ASPRV1: variants seen among roughly 807,000 people sequenced by gnomAD.
The protein encoded by ASPRV1 is retroviral-like aspartic protease 1.
ASPRV1 carries 7 observed loss-of-function variants against 11.0 expected under a neutral mutation model. The ratio of observed to expected loss-of-function variants is 0.64; its 90% CI spans 0.36 to 1.20. The LOEUF (loss-of-function observed/expected upper bound fraction) is 1.20, where lower values mean the gene tolerates loss of function less well. ASPRV1 is among the 50% of genes most tolerant of loss of function. The pLI, the probability that ASPRV1 is intolerant of heterozygous loss-of-function variation, is 0.02. For missense variants in ASPRV1, 299 were observed against 320.0 expected, an observed-to-expected ratio of 0.93 and a Z score of 0.50; for synonymous variants, 136 against 138.4, an observed-to-expected ratio of 0.98 and a Z score of 0.12.
chr2:69,984,437 T>G, the ASPRV1 span, among the ~76,000 whole-genome samples: 2 of 152,190 alleles, frequency 1.3e-5, no homozygotes, highest in Non-Finnish European at 1.5e-5. Flanking sequence ...ATCCCCATTA[T>G]TTACAGCATG....
the ASPRV1 span, among the ~76,000 whole-genome samples, chr2:70,004,528 C>CAAAAAAAAAAAAAAAAAAAAAAAAA: frequency 1.8e-5 from 1 of 54,638 alleles, no homozygotes; most frequent in Non-Finnish European, 4.0e-5. Flanking sequence ...AACTCCATCT[C>CAAAAAAAAAAAAAAAAAAAAAAAAA]AAAAAAAAAA....
the ASPRV1 span, among the ~76,000 whole-genome samples, chr2:69,969,626 T>C: frequency 1.3e-5 from 2 of 152,128 alleles, no homozygotes; most frequent in African/African-American, 2.4e-5. Context: ...GACACCCCTC[T>C]CTGCACCGCT....
At chr2:70,067,017 C>T in the ASPRV1 span, among the ~76,000 whole-genome samples, 2 of 152,090 alleles carry the variant, frequency 1.3e-5, no homozygotes, top group African/African-American at 2.4e-5. Flanking sequence ...ATGATAATAA[C>T]AACTAAGATT....
the ASPRV1 span, chr2:69,935,285 T>C: frequency 7.8e-6 from 9 of 1,161,110 alleles, no homozygotes; most frequent in Non-Finnish European, 1.2e-5. Flanking sequence ...TGAGAACTCA[T>C]TCTGCCTGGG....
chr2:69,981,786 T>C, the ASPRV1 span, among the ~76,000 whole-genome samples: 3 of 152,320 alleles, frequency 2.0e-5, no homozygotes, highest in South Asian at 2.1e-4. Context: ...CCTGAACTCA[T>C]GACCTCAAGT....
chr2:70,071,394 T>C, the ASPRV1 span, among the ~76,000 whole-genome samples: 4 of 152,236 alleles, frequency 2.6e-5, no homozygotes, highest in Non-Finnish European at 5.9e-5. Flanking sequence ...CAAAGGTTCA[T>C]GAGTTTGCAT....
the ASPRV1 span, among the ~76,000 whole-genome samples, chr2:70,011,218 A>G: frequency 2.6e-5 from 4 of 152,096 alleles, no homozygotes; most frequent in Non-Finnish European, 5.9e-5. Flanking sequence ...CCCCTGTGAC[A>G]CGAGTTTAAC....
chr2:69,954,023 A>G, the ASPRV1 span, among the ~76,000 whole-genome samples: 1 of 152,018 alleles, frequency 6.6e-6, no homozygotes, highest in African/African-American at 2.4e-5. Flanking sequence ...TGGCCAATTC[A>G]CTTTAATTAT....
At chr2:69,964,422 C>T, upstream of ASPRV1, 1 of 431,268 alleles carries the variant, frequency 2.3e-6, no homozygotes. Flanking sequence ...GGGAGTCTGT[C>T]TCTGGCTAGG....
chr2:69,952,059 A>C, the ASPRV1 span, among the ~76,000 whole-genome samples: 1 of 152,218 alleles, frequency 6.6e-6, no homozygotes, highest in African/African-American at 2.4e-5. Flanking sequence ...TTGTTTGACC[A>C]AACTGTTCCA....
chr2:70,053,329 T>A, the ASPRV1 span, among the ~76,000 whole-genome samples: 1 of 151,924 alleles, frequency 6.6e-6, no homozygotes, highest in African/African-American at 2.4e-5. Flanking sequence ...AAAGGTGAAA[T>A]CCACATTGTT....
At chr2:69,996,700 T>C in the ASPRV1 span, 1 of 456,610 alleles carries the variant, frequency 2.2e-6, no homozygotes, top group Non-Finnish European at 4.4e-6. Context: ...TAGTAACTGG[T>C]TGATGTCAAG....
the ASPRV1 span, among the ~76,000 whole-genome samples, chr2:69,980,463 C>A: frequency 6.6e-6 from 1 of 152,066 alleles, no homozygotes; most frequent in Admixed American, 6.6e-5. Flanking sequence ...TGTACATGCA[C>A]ACACATACAT....
chr2:70,066,189 C>CA, the ASPRV1 span, among the ~76,000 whole-genome samples: 1 of 151,996 alleles, frequency 6.6e-6, no homozygotes, highest in Non-Finnish European at 1.5e-5. Context: ...GCCCAGGAGA[C>CA]AGAGACTCTG....
the ASPRV1 span, chr2:70,086,003 T>A: frequency 6.6e-6 from 1 of 152,220 alleles, no homozygotes; most frequent in Non-Finnish European, 1.5e-5. Flanking sequence ...ACTGCCCCCC[T>A]ATTATCCACT....
the ASPRV1 span, among the ~76,000 whole-genome samples, chr2:69,973,399 A>T: frequency 6.6e-6 from 1 of 152,116 alleles, no homozygotes; most frequent in Non-Finnish European, 1.5e-5. Context: ...TTTTTTTTAC[A>T]GAATGGGTTG....
the ASPRV1 span, among the ~76,000 whole-genome samples, chr2:70,084,304 C>A: frequency 6.6e-6 from 1 of 152,138 alleles, no homozygotes; most frequent in Non-Finnish European, 1.5e-5. Flanking sequence ...CAATTTAGTC[C>A]TTTTGTTGTC....
At chr2:69,999,791 C>T in the ASPRV1 span, among the ~76,000 whole-genome samples, 19 of 152,014 alleles carry the variant, frequency 1.2e-4, no homozygotes, top group East Asian at 3.1e-3. Context: ...CCACCCCCAC[C>T]ACTCCCCTTC....
the ASPRV1 span, among the ~76,000 whole-genome samples, chr2:69,983,339 G>A: frequency 6.6e-6 from 1 of 152,224 alleles, no homozygotes; most frequent in Non-Finnish European, 1.5e-5. Flanking sequence ...GTAAAAAGAA[G>A]AGCTGGTTTT....
Sources: allele counts gnomAD v4.1 joint callset (sites outside exome capture counted in the v4.1 genomes callset), GRCh38; gene constraint gnomAD v4.1.1; transcripts MANE v1.5; gene names NCBI Gene and HGNC (gene_info 2026-07-23, HGNC 2026-07-21).